MYBPHL: variants seen among roughly 807,000 people sequenced by gnomAD.
The protein encoded by MYBPHL is myosin-binding protein H-like.
A neutral mutation model predicts 39.5 loss-of-function variants in MYBPHL; 32 were observed. The observed-to-expected ratio is 0.81, with a 90% CI of 0.61 to 1.09. The LOEUF is 1.09. MYBPHL is among the 50% of genes least tolerant of loss of function. The probability of loss-of-function intolerance (pLI) is 0.00; values close to 1 mark genes in which losing one functional copy is unlikely to be tolerated. For synonymous variants in MYBPHL, 196 were observed against 183.7 expected (o/e 1.07, Z -0.54); for missense variants, 456 against 460.2 (o/e 0.99, Z 0.08).
intron 8 of MYBPHL, 131 bp downstream of exon 8, chr1:109,294,075 G>T (rs192208430): frequency 9.4e-6 from 6 of 637,258 alleles, no homozygotes; most frequent in Non-Finnish European, 1.7e-5. Flanking sequence ...AAAAAAAAAT[G>T]GTTACAACAA....
At chr1:109,306,813 G>A (rs779980698) in intron 1 of MYBPHL, 34 bp downstream of exon 1, 26 of 1,363,812 alleles carry the variant, frequency 1.9e-5, no homozygotes, top group Middle Eastern at 2.3e-4. Context: ...CCCACCACCC[G>A]GCCTCCCCAC....
chr1:109,296,520 C>A (rs866387128), intron 5 of MYBPHL, 150 bp from the exon 6 acceptor site: 2 of 1,053,244 alleles, frequency 1.9e-6, no homozygotes, highest in South Asian at 1.5e-5. Context: ...CTCACTGCAA[C>A]CTCCAACTCC....
Position 109,296,882 on chromosome 1 carries a change from T to A in MYBPHL, c.631A>T (p.Ile211Phe), listed in dbSNP as rs1489506872. The change falls in exon 5 of 9, where the codon ATC becomes TTC. Residue 211 changes from isoleucine (I) to phenylalanine (F), a missense_variant. By Grantham distance (21) the Ile-to-Phe change is conservative (BLOSUM62 0). Transcript: ENST00000357155. ...ACACGGAAGGCATAGGAGTTGCCGA[T>A]GATGAGGTCAGAGACGATGCAGCTG... The part of the protein sequence containing the change: ...RTSCIVSDLI[I>F]GNSYAFRVFA... The A allele has an allele frequency of 1.2e-6, 2 of 1,614,006 alleles. No individual in the cohort carries two copies. The highest frequency in any genetic ancestry group is 1.7e-6 in the Non-Finnish European group (2 of 1,180,022).
At position 109,297,203 on chromosome 1, in the gene MYBPHL, G is replaced by A; in HGVS notation, c.431-14C>T. 1.9e-6 allele frequency: 3 copies of A among 1,614,190 alleles called. No homozygotes were observed. The highest frequency in any genetic ancestry group is 1.1e-5 in the South Asian group (1 of 91,090). On this transcript the variant is annotated splice_polypyrimidine_tract_variant and intron_variant, in intron 3 of 8. Transcript: ENST00000357155. ...GGCCTGGCCTCTCTGAAAGGGCAAA[G>A]CCATGGCAGTGGGCGTGGAACATCC...
rs139849511 is a variant in MYBPHL at position 109,296,338 on chromosome 1, G to A, written c.763C>T (p.Arg255Ter). 1,486 of 1,614,156 alleles carry A rather than the reference G, an allele frequency of 9.2e-4. 2 individuals are homozygous for A. The highest frequency in any genetic ancestry group is 9.5e-4 in the Non-Finnish European group (1,123 of 1,180,026). ...TVYKTKGFAQ[R>*]DFSEAPKFTQ... Reference sequence around the variant, plus strand: ...AACTTTGGGGCTTCAGAGAAGTCTCGTTGGGCAAACCCCTTGGTCTTGTAA... The same window carrying A: ...AACTTTGGGGCTTCAGAGAAGTCTCATTGGGCAAACCCCTTGGTCTTGTAA... Residue 255 changes from arginine (R) to a stop codon, truncating the protein, a stop_gained, in exon 6 of 9, where the codon CGA becomes TGA. Transcript: ENST00000357155. LOFTEE classifies it high-confidence loss of function.
At chr1:109,293,664 C>T (rs1004662062) in intron 8 of MYBPHL, among the ~76,000 whole-genome samples, 19 of 151,948 alleles carry the variant, frequency 1.3e-4, no homozygotes, top group Non-Finnish European at 2.1e-4. Flanking sequence ...GGCATGAACC[C>T]GGCAGGCAGA....
chr1:109,296,141 T>G, intron 6 of MYBPHL, 93 bp downstream of exon 6: 1 of 1,453,338 alleles, frequency 6.9e-7, no homozygotes, highest in African/African-American at 1.4e-5. Flanking sequence ...TGGTAACAGA[T>G]GTTATGTTAC....
At chr1:109,303,219 C>A (rs796743845) in intron 1 of MYBPHL, among the ~76,000 whole-genome samples, 4 of 152,336 alleles carry the variant, frequency 2.6e-5, no homozygotes, top group Middle Eastern at 3.4e-3. Flanking sequence ...ACCAGCAATT[C>A]TTTGGCACCA....
chr1:109,305,313 T>C (rs1055424671), intron 1 of MYBPHL, among the ~76,000 whole-genome samples: 1 of 152,222 alleles, frequency 6.6e-6, no homozygotes, highest in Non-Finnish European at 1.5e-5. Flanking sequence ...TGCACATATA[T>C]TTTGCAAAGT....
chr1:109,296,820 G>C lies in MYBPHL; in HGVS notation c.693C>G (p.Ala231=). 6.2e-7 allele frequency: 1 copy of C among 1,614,138 alleles called. No individual in the cohort carries two copies. Among genetic ancestry groups the C allele is most frequent in the Non-Finnish European group, 8.5e-7 (1 of 1,180,020 alleles). Residue 231 remains alanine, a synonymous_variant, in exon 5 of 9, where the codon GCC becomes GCG. Coordinates refer to ENST00000357155, the MANE Select transcript of MYBPHL (RefSeq NM_001010985.3). ...AENQCGLSET[A]PITTDLAHIQ... ...TGTGGGCGAGGTCCGTAGTGATGGG[G>C]GCTGTTTCACTGAGTCCGCACTGGT...
At chr1:109,297,330 C>G in intron 3 of MYBPHL, 92 bp downstream of exon 3, 1 of 1,555,028 alleles carries the variant, frequency 6.4e-7, no homozygotes, top group Non-Finnish European at 8.7e-7. Context: ...GGGAGCCTTG[C>G]CGCAGCTTCC....
chr1:109,294,985 G>C, intron 7 of MYBPHL, 126 bp downstream of exon 7: 1 of 768,896 alleles, frequency 1.3e-6, no homozygotes, highest in Non-Finnish European at 2.1e-6. Context: ...TGATGACAGT[G>C]ATGAAAGAGT....
chr1:109,297,537 C>T lies in MYBPHL; in HGVS notation c.315G>A (p.Glu105=), dbSNP rs762028487. 7 of 1,613,830 alleles carry T rather than the reference C, an allele frequency of 4.3e-6. No homozygotes were observed. The highest frequency in any genetic ancestry group is 1.3e-5 in the African/African-American group (1 of 74,916). The change falls in exon 3 of 9, where the codon GAG becomes GAA. Residue 105 remains glutamate (E), a synonymous_variant. Coordinates refer to ENST00000357155, the MANE Select transcript of MYBPHL (RefSeq NM_001010985.3). ...CTCGGATGAAGAGGATGGAGTCTTG[C>T]TCCCCATTCCGCACACTCACACGCC... is the stretch of plus-strand genomic sequence containing the variant. ...DTRRVSVRNG[E]QDSILFIREA...
intron 1 of MYBPHL, among the ~76,000 whole-genome samples, 187 bp from the exon 2 acceptor site, chr1:109,298,444 C>T (rs958537487): frequency 4.6e-5 from 7 of 152,072 alleles, no homozygotes; most frequent in Admixed American, 4.6e-4. Flanking sequence ...TTAAGGAACA[C>T]CCCGGGAAAC....
At position 109,306,924 on chromosome 1, in the gene MYBPHL, G is replaced by T. The variant is rs149896314; in HGVS notation, c.68C>A (p.Ala23Glu). The change falls in exon 1 of 9, where the codon GCG becomes GAG. Residue 23 changes from alanine to glutamate, a missense_variant. Ala to Glu is a moderately radical substitution (Grantham distance 107). Coordinates refer to ENST00000357155, the MANE Select transcript of MYBPHL (RefSeq NM_001010985.3). ...TGAAGCCTGGGGTGGTTCAGCATCC[G>T]CTGGGCTGGCTTCTTTCACCTTCAG... is the stretch of plus-strand genomic sequence containing the variant. ...SKLKVKEASP[A>E]DAEPPQASPG... 1 of 1,609,732 alleles carries T rather than the reference G, an allele frequency of 6.2e-7. No individual in the cohort carries two copies. Among genetic ancestry groups the T allele is most frequent in the Non-Finnish European group, 8.5e-7 (1 of 1,178,104 alleles).
At chr1:109,300,738 G>A (rs1468433249) in intron 1 of MYBPHL, among the ~76,000 whole-genome samples, 2 of 148,222 alleles carry the variant, frequency 1.3e-5, no homozygotes, top group Non-Finnish European at 2.9e-5. Flanking sequence ...GCTGGGCAGA[G>A]AGCAAGGAAG....
At chr1:109,294,096 C>G in intron 8 of MYBPHL, 110 bp downstream of exon 8, 1 of 734,812 alleles carries the variant, frequency 1.4e-6, no homozygotes, top group South Asian at 1.6e-5. Context: ...AAGTGGCCAC[C>G]AGTGGATACA....
At chr1:109,301,080 A>G (rs922461209) in intron 1 of MYBPHL, among the ~76,000 whole-genome samples, 3 of 152,192 alleles carry the variant, frequency 2.0e-5, no homozygotes, top group Non-Finnish European at 4.4e-5. Context: ...CCCAGGCGCA[A>G]TCTGACTCTT....
At chr1:109,296,086 GAC>G in intron 6 of MYBPHL, 146 bp downstream of exon 6, 1 of 951,164 alleles carries the variant, frequency 1.1e-6, no homozygotes, top group Non-Finnish European at 1.5e-6. Flanking sequence ...GCACCCCCCC[GAC>G]TGTTCCTAAA....
Sources: gnomAD v4.1 joint callset for allele counts (sites outside exome capture counted in the v4.1 genomes callset) on GRCh38, gnomAD v4.1.1 for gene constraint, MANE v1.5 for transcripts, NCBI Gene and HGNC (gene_info 2026-07-23, HGNC 2026-07-21) for gene names.